UROC1: variants seen among roughly 807,000 people sequenced by gnomAD.
UROC1 encodes the protein urocanate hydratase.
In UROC1, 79 loss-of-function variants were observed where a neutral mutation model predicts 89.5. The observed-to-expected ratio is 0.88, with a 90% CI of 0.74 to 1.06. The LOEUF (loss-of-function observed/expected upper bound fraction) is 1.06, where lower values mean the gene tolerates loss of function less well. Among genes scored for constraint, UROC1 ranks in the 50% least tolerant of loss-of-function variants. The pLI is 0.00. For synonymous variants in UROC1, 361 were observed against 354.8 expected (o/e 1.02, Z -0.20); for missense variants, 885 against 907.8 (o/e 0.97, Z 0.32).
rs1936356740 is a variant in UROC1, at chr3:126,517,596, GTT to G, written c.122_123del (p.Lys41ThrfsTer43). On this transcript the variant is annotated frameshift_variant, in exon 1 of 20. Transcript: ENST00000290868. LOFTEE classifies it high-confidence loss of function. ...GGGAGCACGGGCCCACTGCTTACCT[GTT>G]TCTCCACAGGGCTGAGGCTGGGGGT... ...VRTPSLSPVE[K>X]QLALRNALRY... 6.2e-7 allele frequency: 1 copy of G among 1,612,310 alleles called. No homozygotes were observed. Among genetic ancestry groups the G allele is most frequent in the Admixed American group, 1.7e-5 (1 of 59,988 alleles).
intron 9 of UROC1, among the ~76,000 whole-genome samples, chr3:126,503,681 G>A (rs562242735): frequency 1.3e-5 from 2 of 152,364 alleles, no homozygotes; most frequent in Admixed American, 1.3e-4. Context: ...GCCCCAAGAA[G>A]GCTACCTGAA....
chr3:126,503,576 C>T (rs1033473973), intron 9 of UROC1, among the ~76,000 whole-genome samples: 3 of 152,344 alleles, frequency 2.0e-5, no homozygotes, highest in Admixed American at 6.5e-5. Context: ...ACTGCAACAG[C>T]GCAGGGCAGC....
chr3:126,499,469 G>T, intron 12 of UROC1, 60 bp from the exon 13 acceptor site: 1 of 1,529,506 alleles, frequency 6.5e-7, no homozygotes, highest in South Asian at 1.2e-5. Context: ...CACCCTAGAT[G>T]GCAACTTAAA....
rs933182755 is a variant in UROC1, at chr3:126,481,299, T to G, written c.*1046A>C. ...CAAGGAAGGCTGGAGAATCAGGTGG[T>G]TTTATTTACCCTATATTGCTGCCCA... On this transcript the variant is annotated 3_prime_UTR_variant, in exon 20 of 20. Transcript: ENST00000290868. The G allele has an allele frequency of 1.3e-5, 2 of 151,998 alleles. No individual in the cohort carries two copies. The highest frequency in any genetic ancestry group is 2.1e-4 in the South Asian group (1 of 4,820). 9.4% of individuals were successfully genotyped at this position (151,998 alleles called of 1,614,324 possible).
chr3:126,497,353 G>A (rs776554784), intron 14 of UROC1, among the ~76,000 whole-genome samples: 2 of 152,182 alleles, frequency 1.3e-5, no homozygotes, highest in Non-Finnish European at 2.9e-5. Flanking sequence ...AAACAACAAC[G>A]TCAGACCCAC....
intron 2 of UROC1, among the ~76,000 whole-genome samples, 179 bp downstream of exon 2, chr3:126,510,485 C>T (rs550334290): frequency 3.9e-5 from 6 of 152,328 alleles, no homozygotes; most frequent in East Asian, 1.9e-4. Context: ...CGGCAGCCAG[C>T]GCTGGGCTCC....
Position 126,500,700 on chromosome 3 carries a change from C to G in UROC1, c.1140G>C (p.Gln380His), listed in dbSNP as rs1458175586. The G allele has an allele frequency of 6.2e-7, 1 of 1,614,154 alleles. No homozygotes were observed. The highest frequency in any genetic ancestry group is 1.6e-4 in the Middle Eastern group (1 of 6,062). Residue 380 changes from glutamine to histidine, a missense_variant, in exon 11 of 20, where the codon CAG (glutamine) becomes CAC (histidine). Coordinates refer to ENST00000290868, the MANE Select transcript of UROC1 (RefSeq NM_144639.3). ...SNPAVFKDLV[Q>H]ESLRRQVSAI... ...CCCCCAACTCCAAGTAGCACCTTTC[C>G]TGGACCAGGTCCTTGAACACAGCAG...
chr3:126,502,529 C>T (rs1345863681), intron 9 of UROC1, among the ~76,000 whole-genome samples: 1 of 146,160 alleles, frequency 6.8e-6, no homozygotes. Flanking sequence ...TGTGTTATGT[C>T]TGTATTTATG....
chr3:126,511,919 T>A (rs1381297666), intron 1 of UROC1, among the ~76,000 whole-genome samples: 1 of 152,090 alleles, frequency 6.6e-6, no homozygotes, highest in Non-Finnish European at 1.5e-5. Context: ...ATATCAAGGG[T>A]TTTTTTTCTT....
chr3:126,504,038 T>A lies in UROC1; in HGVS notation c.859A>T (p.Met287Leu), dbSNP rs1285857009. ...CGGTCCAAGCTGTCAGTCACTTCCA[T>A]CAGCCAGCCCTGCCTGTGGCGTTTC... ...LEKRHRQGWL[M>L]EVTDSLDRCI... Residue 287 changes from methionine to leucine, a missense_variant, in exon 9 of 20, where the codon ATG becomes TTG. Physicochemically the swap from Met to Leu is conservative, Grantham distance 15. Transcript: ENST00000290868. 1.2e-6 allele frequency: 2 copies of A among 1,614,156 alleles called. No homozygotes were observed. Among genetic ancestry groups the A allele is most frequent in the Non-Finnish European group, 1.7e-6 (2 of 1,180,030 alleles).
chr3:126,483,489 T>C, intron 18 of UROC1, 21 bp from the exon 19 acceptor site: 23 of 1,606,474 alleles, frequency 1.4e-5, no homozygotes, highest in Non-Finnish European at 1.7e-5. Context: ...CAGAGGAGTT[T>C]CCAGTTCATT....
At chr3:126,483,280 A>C in intron 19 of UROC1, 89 bp downstream of exon 19, 2 of 1,219,068 alleles carry the variant, frequency 1.6e-6, no homozygotes, top group Non-Finnish European at 2.4e-6. Flanking sequence ...CCCCACACCC[A>C]GGAGATGCTG....
intron 18 of UROC1, among the ~76,000 whole-genome samples, chr3:126,487,795 G>A (rs1321452801): frequency 6.6e-6 from 1 of 152,234 alleles, no homozygotes; most frequent in Non-Finnish European, 1.5e-5. Context: ...GCTGGGTTTT[G>A]CACTCTCAAG....
intron 2 of UROC1, among the ~76,000 whole-genome samples, chr3:126,510,112 C>G (rs1576730116): frequency 6.6e-6 from 1 of 152,212 alleles, no homozygotes; most frequent in East Asian, 1.9e-4. Context: ...TGACTCAAGG[C>G]AAGCCTGGGC....
intron 15 of UROC1, 99 bp from the exon 16 acceptor site, chr3:126,492,615 T>C: frequency 1.1e-6 from 1 of 914,748 alleles, no homozygotes. Context: ...CTGTGGGACA[T>C]GGCCCTTGGC....
intron 2 of UROC1, among the ~76,000 whole-genome samples, chr3:126,510,432 G>C (rs1364910791): frequency 6.6e-6 from 1 of 152,240 alleles, no homozygotes; most frequent in Non-Finnish European, 1.5e-5. Context: ...GGCCGGGCCT[G>C]AGAGACCTGA....
chr3:126,488,272 A>G lies in UROC1; in HGVS notation c.1716T>C (p.Ala572=). ...AGGCATCTCCCACGAAGTTCTGCAC[A>G]GCCATGTCTGCGGAAATAGAGACGC... is the stretch of plus-strand genomic sequence containing the variant. ...YDGSAFCADM[A]VQNFVGDACR... The change falls in exon 18 of 20, where the codon GCT becomes GCC. Residue 572 remains alanine, a synonymous_variant. Coordinates refer to ENST00000290868, the MANE Select transcript of UROC1 (RefSeq NM_144639.3). 6.2e-7 allele frequency: 1 copy of G among 1,614,264 alleles called. No individual in the cohort carries two copies.
intron 13 of UROC1, among the ~76,000 whole-genome samples, chr3:126,499,086 G>A (rs754966023): frequency 7.9e-5 from 12 of 151,800 alleles, no homozygotes; most frequent in Non-Finnish European, 1.3e-4. Flanking sequence ...TCTAGGCCCC[G>A]CAGCCCCCTG....
intron 6 of UROC1, among the ~76,000 whole-genome samples, 188 bp from the exon 7 acceptor site, chr3:126,506,199 C>T (rs908778114): frequency 2.6e-5 from 4 of 152,206 alleles, no homozygotes; most frequent in African/African-American, 4.8e-5. Context: ...TGTCCCCTCT[C>T]GCCTTCCAGA....
Sources: allele counts gnomAD v4.1 joint callset (sites outside exome capture counted in the v4.1 genomes callset), GRCh38; gene constraint gnomAD v4.1.1; transcripts MANE v1.5; gene names NCBI Gene and HGNC (gene_info 2026-07-23, HGNC 2026-07-21).